MAPKAP1: variants seen among roughly 807,000 people sequenced by gnomAD.
MAPKAP1 encodes MAPK associated protein 1, also known as target of rapamycin complex 2 subunit MAPKAP1.
A neutral mutation model predicts 65.7 loss-of-function variants in MAPKAP1; 20 were observed. That is an observed-to-expected ratio of 0.30 (90% CI 0.21 to 0.44). The LOEUF (loss-of-function observed/expected upper bound fraction) is 0.44, where lower values mean the gene tolerates loss of function less well. Among genes scored for constraint, MAPKAP1 ranks in the 20% least tolerant of loss-of-function variants. The pLI is 1.00. For missense variants in MAPKAP1, 423 were observed against 648.0 expected (o/e 0.65, Z 3.77); for synonymous variants, 222 against 244.3 (o/e 0.91, Z 0.85).
chr9:125,653,766 T>C (rs990522266), intron 4 of MAPKAP1, among the ~76,000 whole-genome samples: 1 of 152,250 alleles, frequency 6.6e-6, no homozygotes, highest in African/African-American at 2.4e-5. Flanking sequence ...CCTCTCACTG[T>C]GCTAGATGCT....
chr9:125,448,691 C>G (rs138954980), intron 10 of MAPKAP1, among the ~76,000 whole-genome samples: 1 of 152,314 alleles, frequency 6.6e-6, no homozygotes, highest in East Asian at 1.9e-4. Context: ...TAAAAAATAG[C>G]TGAGACACTA....
At chr9:125,508,319 G>C (rs986204935) in intron 7 of MAPKAP1, among the ~76,000 whole-genome samples, 3 of 152,148 alleles carry the variant, frequency 2.0e-5, no homozygotes, top group Admixed American at 2.0e-4. Context: ...CGTAATACTG[G>C]GTAGAAGGAA....
intron 4 of MAPKAP1, among the ~76,000 whole-genome samples, chr9:125,653,496 G>A (rs1833949145): frequency 6.6e-6 from 1 of 152,184 alleles, no homozygotes; most frequent in South Asian, 2.1e-4. Context: ...CAGGCAGAGG[G>A]AGAACATGTC....
At chr9:125,620,598 ACAAGT>A (rs922851821) in intron 4 of MAPKAP1, among the ~76,000 whole-genome samples, 12 of 152,246 alleles carry the variant, frequency 7.9e-5, no homozygotes, top group African/African-American at 2.7e-4. Context: ...AAGATTAGAA[ACAAGT>A]CAAGTCTTCA....
intron 4 of MAPKAP1, among the ~76,000 whole-genome samples, chr9:125,639,923 A>G (rs1184417533): frequency 1.3e-5 from 2 of 152,192 alleles, no homozygotes; most frequent in African/African-American, 4.8e-5. Flanking sequence ...GAACACAGAC[A>G]GGCGCATGGG....
At chr9:125,597,273 A>G (rs1366501341) in intron 4 of MAPKAP1, among the ~76,000 whole-genome samples, 9 of 148,520 alleles carry the variant, frequency 6.1e-5, no homozygotes, top group Admixed American at 4.7e-4. Context: ...TCAAAAAAAA[A>G]AAAAAAAAAA....
At chr9:125,503,957 G>A (rs564596320) in intron 8 of MAPKAP1, among the ~76,000 whole-genome samples, 105 of 138,820 alleles carry the variant, frequency 7.6e-4, no homozygotes, top group Non-Finnish European at 1.2e-3. Context: ...GGCTGGTCTC[G>A]AACTCCTGAC....
intron 1 of MAPKAP1, among the ~76,000 whole-genome samples, chr9:125,679,299 G>A (rs967815812): frequency 1.3e-5 from 2 of 152,158 alleles, no homozygotes; most frequent in Non-Finnish European, 2.9e-5. Flanking sequence ...ACCGTGCCCA[G>A]CTGAACACGA....
At chr9:125,519,760 C>T (rs1034814959) in intron 7 of MAPKAP1, among the ~76,000 whole-genome samples, 1 of 151,616 alleles carries the variant, frequency 6.6e-6, no homozygotes, top group Non-Finnish European at 1.5e-5. Context: ...CTGTTATCAC[C>T]ATGGCCTGAT....
rs563138018 is a variant in MAPKAP1 at position 125,610,666 on chromosome 9, C to T, written c.499-24939G>A. ...GCAAGGTAAAACTGCCTGTCTTCCC[C>T]CAAAATTATTTTCTTCCTCAGACTT... On this transcript the variant is annotated intron_variant, in intron 4 of 11. Coordinates refer to ENST00000265960, the MANE Select transcript of MAPKAP1 (RefSeq NM_001006617.3). 4.6e-5 allele frequency among the ~76,000 whole-genome samples: 7 copies of T among 152,264 alleles called. No homozygotes were observed. The South Asian group carries it at 1.5e-3, about 32-fold the overall frequency.
rs1380843846 is a variant in MAPKAP1 at position 125,595,675 on chromosome 9, G to A, written c.499-9948C>T. On this transcript the variant is annotated intron_variant, in intron 4 of 11. Transcript: ENST00000265960. This position sits in a 1 kb window ranked among gnomAD's most constrained non-coding sequence, Gnocchi z 4.0. ...GTCTCTCTTCTCCCTGCCGTCCTAA[G>A]TCAGAGTCTCCTAAAGAGCCGGAAC... 3 of 1,531,666 alleles carry A rather than the reference G, an allele frequency of 2.0e-6. No individual in the cohort carries two copies. The highest frequency in any genetic ancestry group is 2.4e-5 in the East Asian group (1 of 42,346). The allele number at this position is 1,531,666 out of a possible 1,614,324, so 94.9% of individuals were successfully genotyped here.
chr9:125,500,237 G>C (rs957192672), intron 8 of MAPKAP1, among the ~76,000 whole-genome samples: 1 of 152,094 alleles, frequency 6.6e-6, no homozygotes, highest in African/African-American at 2.4e-5. Flanking sequence ...ACCCAGGATG[G>C]AGTGCAGTGG....
intron 4 of MAPKAP1, among the ~76,000 whole-genome samples, chr9:125,649,798 C>CAAAA (rs35503728): frequency 1.0e-4 from 8 of 76,208 alleles, no homozygotes; most frequent in East Asian, 3.5e-4. Context: ...AACTCCGTCT[C>CAAAA]AAAAAAAAAA....
At position 125,691,683 on chromosome 9, in the gene MAPKAP1, GA is replaced by G. The variant is rs888575752; in HGVS notation, c.-70+15287del. On this transcript the variant is annotated intron_variant, in intron 1 of 11. Transcript: ENST00000265960. ...AAGGAAAAACAAAAAACAGAAGCTG[GA>G]AAAAAAAAAAGTCAATCTTTGGCTA... Among the ~76,000 whole-genome samples the G allele has an allele frequency of 2.5e-3, 362 of 145,684 alleles. 4 individuals are homozygous for G. Among genetic ancestry groups the G allele is most frequent in the African/African-American group, 8.2e-3 (328 of 39,886 alleles).
At chr9:125,552,929 G>A (rs1198599990) in intron 6 of MAPKAP1, among the ~76,000 whole-genome samples, 1 of 152,000 alleles carries the variant, frequency 6.6e-6, no homozygotes, top group Non-Finnish European at 1.5e-5. Context: ...TTTGATTTTA[G>A]TCAATGAAAA....
At position 125,660,776 on chromosome 9, in the gene MAPKAP1, G is replaced by A. The variant is rs75248287; in HGVS notation, c.350-2977C>T. 2.2e-3 allele frequency among the ~76,000 whole-genome samples: 342 copies of A among 152,302 alleles called. 4 individuals carry two copies. The highest frequency in any genetic ancestry group is 0.018 in the East Asian group (93 of 5,190). ...CCGTGGCAACCGCTAGCAACGCTGTGTTATCATCACCTTAAAACCCGCTTT... is the reference window on the plus strand; with the variant it reads ...CCGTGGCAACCGCTAGCAACGCTGTATTATCATCACCTTAAAACCCGCTTT... On this transcript the variant is annotated intron_variant, in intron 3 of 11. Coordinates refer to ENST00000265960, the MANE Select transcript of MAPKAP1 (RefSeq NM_001006617.3).
At chr9:125,596,524 G>A in intron 4 of MAPKAP1, 1 of 724,248 alleles carries the variant, frequency 1.4e-6, no homozygotes, top group Admixed American at 1.7e-5. Flanking sequence ...CAGAAGCTCT[G>A]GCAGCTATGG....
At chr9:125,681,792 A>G (rs1214170674) in intron 1 of MAPKAP1, among the ~76,000 whole-genome samples, 4 of 152,236 alleles carry the variant, frequency 2.6e-5, no homozygotes, top group Non-Finnish European at 5.9e-5. Context: ...GTTTACAGAG[A>G]TAGCGTCTCG....
chr9:125,448,520 A>T (rs1207452755), intron 10 of MAPKAP1, among the ~76,000 whole-genome samples: 1 of 152,220 alleles, frequency 6.6e-6, no homozygotes, highest in Non-Finnish European at 1.5e-5. Context: ...TCTCAGGTAG[A>T]AGAGGAAGAG....
Sources: allele counts gnomAD v4.1 joint callset (sites outside exome capture counted in the v4.1 genomes callset), GRCh38; gene constraint gnomAD v4.1.1; non-coding constraint Gnocchi (gnomAD v3.1); transcripts MANE v1.5; gene names NCBI Gene and HGNC (gene_info 2026-07-23, HGNC 2026-07-21).